Variants in CCDC171 observed in about 807,000 individuals in gnomAD.
CCDC171 encodes coiled-coil domain containing 171.
In CCDC171, 177 loss-of-function variants were observed where a neutral mutation model predicts 168.2. That is an observed-to-expected ratio of 1.05 (90% CI 0.93 to 1.19). The LOEUF is 1.19. Ranked by LOEUF, CCDC171 falls within the 50% of genes most tolerant of loss-of-function variation. The pLI, the probability that CCDC171 is intolerant of heterozygous loss-of-function variation, is 0.00. For missense variants in CCDC171, 1,991 were observed against 1,539.0 expected (o/e 1.29, Z -4.91); for synonymous variants, 687 against 540.8 (o/e 1.27, Z -3.75).
In CCDC171 at chr9:15,564,148, C is replaced by G. The variant is rs773464054; in HGVS notation, c.41+19C>G. 6.3e-7 allele frequency: 1 copy of G among 1,586,542 alleles called. No individual in the cohort carries two copies. Among genetic ancestry groups the G allele is most frequent in the Non-Finnish European group, 8.6e-7 (1 of 1,162,520 alleles). ...CCCAAAGGTAAGCCTCTAGTCTCTT[C>G]TTTTAGTTGATGAACGTTTTTAGTT... On this transcript the variant is annotated intron_variant, in intron 2 of 25. Transcript: ENST00000380701.
At chr9:16,029,818 T>A (rs1387062517) in intron 6 of CCDC171, among the ~76,000 whole-genome samples, 1 of 152,208 alleles carries the variant, frequency 6.6e-6, no homozygotes, top group Non-Finnish European at 1.5e-5. Context: ...GAGGGGCTTG[T>A]ATGTGTTCAA....
chr9:15,818,727 T>G lies in CCDC171; in HGVS notation c.3268-27975T>G, dbSNP rs2059652264. Among the ~76,000 whole-genome samples the G allele has an allele frequency of 1.7e-5, 2 of 118,190 alleles. 1 individual carries two copies. Among genetic ancestry groups the G allele is most frequent in the Admixed American group, 1.6e-4 (2 of 12,532 alleles). 77.5% of individuals were successfully genotyped at this position (118,190 alleles called of 152,430 possible). ...CACATCTACGTCTGATTGGTGTACC[T>G]GAAAGTGACAGGGAGAATGGAACCA... On this transcript the variant is annotated intron_variant, in intron 21 of 25. Coordinates refer to ENST00000380701, the MANE Select transcript of CCDC171 (RefSeq NM_173550.4).
chr9:16,108,743 T>C, the CCDC171 span, among the ~76,000 whole-genome samples: 6 of 152,190 alleles, frequency 3.9e-5, no homozygotes, highest in Admixed American at 3.3e-4. Flanking sequence ...CGGCCCTGAC[T>C]GAAAATATTT....
the CCDC171 span, among the ~76,000 whole-genome samples, chr9:16,099,919 T>C: frequency 6.6e-6 from 1 of 152,046 alleles, no homozygotes. Context: ...TCACTGGCCA[T>C]TGCTTGCCTG....
At chr9:15,860,402 G>A (rs2061510689) in intron 23 of CCDC171, among the ~76,000 whole-genome samples, 1 of 151,302 alleles carries the variant, frequency 6.6e-6, no homozygotes, top group Non-Finnish European at 1.5e-5. Context: ...GTTTACTGCT[G>A]TATGTTTCCC....
chr9:16,073,981 A>G, the CCDC171 span, among the ~76,000 whole-genome samples: 8 of 152,198 alleles, frequency 5.3e-5, no homozygotes, highest in African/African-American at 1.9e-4. Context: ...CTCTAAGGCC[A>G]GAGCCCTTCT....
intron 3 of CCDC171, among the ~76,000 whole-genome samples, chr9:15,994,357 G>A (rs1033953588): frequency 6.6e-6 from 1 of 152,150 alleles, no homozygotes; most frequent in Non-Finnish European, 1.5e-5. Context: ...AACACCGCAT[G>A]TTCTCACTCA....
intron 23 of CCDC171, among the ~76,000 whole-genome samples, chr9:15,866,615 A>T (rs1236963446): frequency 6.6e-6 from 1 of 152,064 alleles, no homozygotes; most frequent in African/African-American, 2.4e-5. Context: ...TGGAATGATC[A>T]GCAGGATGTG....
intron 21 of CCDC171, among the ~76,000 whole-genome samples, chr9:15,825,219 C>T (rs541618532): frequency 5.3e-4 from 80 of 152,200 alleles, no homozygotes; most frequent in South Asian, 1.4e-3. Flanking sequence ...TAGTCTCCTG[C>T]ATTAAAGACA....
At chr9:15,895,153 A>G (rs1262842924) in intron 24 of CCDC171, among the ~76,000 whole-genome samples, 2 of 152,146 alleles carry the variant, frequency 1.3e-5, no homozygotes, top group Non-Finnish European at 2.9e-5. Context: ...GGACCTTTAT[A>G]TCTAAAATAT....
downstream of CCDC171, among the ~76,000 whole-genome samples, chr9:16,062,869 T>A (rs1447077131): frequency 6.6e-6 from 1 of 152,234 alleles, no homozygotes; most frequent in African/African-American, 2.4e-5. Flanking sequence ...ACACAAATTT[T>A]GCTTCCTTTC....
At chr9:15,585,288 A>G (rs902998843) in intron 4 of CCDC171, among the ~76,000 whole-genome samples, 1 of 152,228 alleles carries the variant, frequency 6.6e-6, no homozygotes, top group African/African-American at 2.4e-5. Flanking sequence ...AAGACTTGTA[A>G]AAGAATTTCC....
rs1209057328 is a variant in CCDC171, at chr9:15,596,819, G to C, written c.675+2647G>C. On this transcript the variant is annotated intron_variant, in intron 6 of 25. Coordinates refer to ENST00000380701, the MANE Select transcript of CCDC171 (RefSeq NM_173550.4). ...ATTTGTTTGTATCCTCTTTTATTTT[G>C]TTGAGCAGTGGTTTGTAGTTCTCCT... Among the ~76,000 whole-genome samples the C allele has an allele frequency of 2.0e-5, 3 of 151,794 alleles. No individual in the cohort carries two copies. In the East Asian group the frequency reaches 5.8e-4, roughly 29 times the overall value.
chr9:15,870,158 A>T (rs2061974841), intron 23 of CCDC171, among the ~76,000 whole-genome samples: 1 of 151,846 alleles, frequency 6.6e-6, no homozygotes, highest in Admixed American at 6.6e-5. Context: ...CTCAGGCTGT[A>T]GTGTGCTGAC....
rs141114992 is a variant in CCDC171, at chr9:15,591,504, G to A, written c.491G>A (p.Arg164Gln). ...ERDNMIQNCN[R>Q]EYDLLMKEKS... Reference sequence around the variant, plus strand: ...GACAATATGATCCAAAATTGCAATCGAGAATATGATTTACTTATGAAAGAA... The same window carrying A: ...GACAATATGATCCAAAATTGCAATCAAGAATATGATTTACTTATGAAAGAA... Residue 164 changes from arginine to glutamine, a missense_variant, in exon 5 of 26, where the codon CGA becomes CAA. Coordinates refer to ENST00000380701, the MANE Select transcript of CCDC171 (RefSeq NM_173550.4). 1.5e-5 allele frequency: 24 copies of A among 1,603,268 alleles called. No individual in the cohort carries two copies. Among genetic ancestry groups the A allele is most frequent in the African/African-American group, 1.5e-4 (11 of 74,310 alleles).
At chr9:15,788,553 C>G (rs1294534802) in intron 21 of CCDC171, among the ~76,000 whole-genome samples, 2 of 150,072 alleles carry the variant, frequency 1.3e-5, no homozygotes. Flanking sequence ...AATCACTTAA[C>G]ATTTTGGGAA....
At chr9:15,866,069 A>G (rs769724972) in intron 23 of CCDC171, among the ~76,000 whole-genome samples, 1 of 151,946 alleles carries the variant, frequency 6.6e-6, no homozygotes, top group African/African-American at 2.4e-5. Context: ...TAAATATTCT[A>G]AGTTCAATAT....
Position 15,657,232 on chromosome 9 carries a change from C to G in CCDC171, c.915+13C>G, listed in dbSNP as rs762744791. 1 of 1,541,662 alleles carries G rather than the reference C, an allele frequency of 6.5e-7. No homozygotes were observed. The highest frequency in any genetic ancestry group is 1.1e-5 in the South Asian group (1 of 88,744). On this transcript the variant is annotated intron_variant, in intron 8 of 25. Coordinates refer to ENST00000380701, the MANE Select transcript of CCDC171 (RefSeq NM_173550.4). ...TGAAATTATTCAGGTAAAATGTAAA[C>G]AAATATTTTGGCCTGCATTTTCTTA...
chr9:15,749,246 G>A (rs1330502555), intron 18 of CCDC171, among the ~76,000 whole-genome samples: 1 of 151,978 alleles, frequency 6.6e-6, no homozygotes, highest in East Asian at 1.9e-4. Context: ...TAATGGTAAA[G>A]GGATCAATTC....
Sources: allele counts gnomAD v4.1 joint callset (sites outside exome capture counted in the v4.1 genomes callset), GRCh38; gene constraint gnomAD v4.1.1; transcripts MANE v1.5; gene names NCBI Gene and HGNC (gene_info 2026-07-23, HGNC 2026-07-21).